Variants in ANXA4 observed in about 807,000 individuals in gnomAD.
ANXA4 encodes annexin A4.
A neutral mutation model predicts 49.8 loss-of-function variants in ANXA4; 39 were observed. The observed-to-expected ratio is 0.78, with a 90% CI of 0.61 to 1.02. ANXA4 has a LOEUF of 1.02. Ranked by LOEUF, ANXA4 falls within the 50% of genes least tolerant of loss-of-function variation. The pLI is 0.00. For missense variants in ANXA4, 360 were observed against 410.1 expected (o/e 0.88, Z 1.05); for synonymous variants, 134 against 152.5 (o/e 0.88, Z 0.89).
chr2:69,744,367 T>C (rs902313347), intron 1 of ANXA4, among the ~76,000 whole-genome samples: 7 of 152,202 alleles, frequency 4.6e-5, no homozygotes, highest in African/African-American at 1.7e-4. Flanking sequence ...GTGTCATTTT[T>C]ACACAAATAT....
At chr2:69,656,403 A>ATATATATGTG (rs1676492625) in intron 2 of ANXA4, among the ~76,000 whole-genome samples, 1 of 113,622 alleles carries the variant, frequency 8.8e-6, no homozygotes, top group African/African-American at 3.2e-5. Flanking sequence ...ATATATATGT[A>ATATATATGTG]TATATATGTA....
intron 1 of ANXA4, among the ~76,000 whole-genome samples, chr2:69,769,890 T>C (rs1671642420): frequency 6.6e-6 from 1 of 152,208 alleles, no homozygotes; most frequent in Admixed American, 6.5e-5. Flanking sequence ...CTCAAACTCC[T>C]GACCTCAGGT....
At chr2:69,694,547 C>T (rs1303739138) in intron 2 of ANXA4, among the ~76,000 whole-genome samples, 29 of 121,580 alleles carry the variant, frequency 2.4e-4, no homozygotes, top group Middle Eastern at 3.9e-3. Context: ...CAACAGTCCC[C>T]GGTGTGTGAT....
chr2:69,786,507 A>G (rs1017812474), intron 2 of ANXA4, among the ~76,000 whole-genome samples: 3 of 152,108 alleles, frequency 2.0e-5, no homozygotes, highest in African/African-American at 4.8e-5. Context: ...TTTCTACTGT[A>G]CTTAGAATAA....
intron 1 of ANXA4, among the ~76,000 whole-genome samples, chr2:69,770,955 G>A (rs565242268): frequency 6.6e-6 from 1 of 151,272 alleles, no homozygotes; most frequent in African/African-American, 2.4e-5. Context: ...TTAGCTGGGC[G>A]TGGTGGCACG....
At chr2:69,709,651 A>G (rs1678613813) in intron 2 of ANXA4, among the ~76,000 whole-genome samples, 1 of 152,188 alleles carries the variant, frequency 6.6e-6, no homozygotes, top group South Asian at 2.1e-4. Context: ...TCGCTAGGTA[A>G]CTCTTAACTC....
chr2:69,722,823 C>G (rs1192260530), intron 3 of ANXA4, among the ~76,000 whole-genome samples: 1 of 151,312 alleles, frequency 6.6e-6, no homozygotes, highest in African/African-American at 2.4e-5. Context: ...ATAAATGGGT[C>G]AGAGTTCAAC....
At chr2:69,733,318 A>G (rs1670153904) in intron 3 of ANXA4, among the ~76,000 whole-genome samples, 1 of 152,162 alleles carries the variant, frequency 6.6e-6, no homozygotes, top group Admixed American at 6.5e-5. Flanking sequence ...AAAATCTGCA[A>G]TTTGGCTGGG....
chr2:69,706,292 CTTTTTTTTTT>C (rs916740716), intron 2 of ANXA4, among the ~76,000 whole-genome samples: 4 of 59,314 alleles, frequency 6.7e-5, no homozygotes, highest in South Asian at 5.6e-4. Context: ...GGTACAATTC[CTTTTTTTTTT>C]TTTTTTTTTT....
intron 2 of ANXA4, among the ~76,000 whole-genome samples, chr2:69,714,572 A>T (rs1678811330): frequency 6.6e-6 from 1 of 152,132 alleles, no homozygotes; most frequent in Non-Finnish European, 1.5e-5. Flanking sequence ...ATTTCCTGGG[A>T]TCCTGGCCGA....
At chr2:69,770,472 A>AG (rs1419634018) in intron 1 of ANXA4, among the ~76,000 whole-genome samples, 1 of 152,232 alleles carries the variant, frequency 6.6e-6, no homozygotes, top group African/African-American at 2.4e-5. Flanking sequence ...AGCGAAGGGA[A>AG]GGATTCAGTA....
chr2:69,743,111 T>G (rs77687645), intron 1 of ANXA4, among the ~76,000 whole-genome samples: 1,789 of 152,282 alleles, frequency 0.012, 38 homozygotes, highest in African/African-American at 0.041. Flanking sequence ...GCTCAGGTGT[T>G]TCACCCACCT....
At chr2:69,744,345 G>C (rs1670528276) in intron 1 of ANXA4, among the ~76,000 whole-genome samples, 1 of 151,900 alleles carries the variant, frequency 6.6e-6, no homozygotes, top group African/African-American at 2.4e-5. Flanking sequence ...AAGAGGAGGA[G>C]ATTTTCTTTG....
chr2:69,675,144 G>A (rs1024526088), intron 2 of ANXA4, among the ~76,000 whole-genome samples: 2 of 152,168 alleles, frequency 1.3e-5, no homozygotes, highest in African/African-American at 4.8e-5. Context: ...GGATGGTCTC[G>A]ATCTCCTGTC....
At chr2:69,717,491 C>G (rs1669676444) in intron 2 of ANXA4, among the ~76,000 whole-genome samples, 1 of 152,190 alleles carries the variant, frequency 6.6e-6, no homozygotes, top group East Asian at 1.9e-4. Context: ...AGGCCTCCCT[C>G]TCCAGGGTAT....
chr2:69,781,438 A>G (rs1672194294), intron 1 of ANXA4, 82 bp from the exon 2 acceptor site: 2 of 1,187,526 alleles, frequency 1.7e-6, no homozygotes, highest in South Asian at 2.6e-5. Flanking sequence ...GCTTAGCTTC[A>G]TGCAAACTGC....
In ANXA4 at chr2:69,826,617, T is replaced by G. The variant is rs1219325294; in HGVS notation, c.*1102T>G. 6.6e-6 allele frequency: 1 copy of G among 152,118 alleles called. No individual in the cohort carries two copies. The highest frequency in any genetic ancestry group is 2.4e-5 in the African/African-American group (1 of 41,404). 9.4% of individuals were successfully genotyped at this position (152,118 alleles called of 1,614,324 possible). Reference sequence around the variant, plus strand: ...CTGGCCAACATGGAGAAACTGCATCTCTACTAAAAATATAAAAATTAGCCG... The same window carrying G: ...CTGGCCAACATGGAGAAACTGCATCGCTACTAAAAATATAAAAATTAGCCG... On this transcript the variant is annotated 3_prime_UTR_variant, in exon 13 of 13. Coordinates refer to ENST00000394295, the MANE Select transcript of ANXA4 (RefSeq NM_001153.5).
chr2:69,661,221 C>CAAA (rs201916139), intron 2 of ANXA4, among the ~76,000 whole-genome samples: 2 of 67,812 alleles, frequency 2.9e-5, no homozygotes, highest in Non-Finnish European at 6.8e-5. Flanking sequence ...AAGCTTCAGA[C>CAAA]AAAAAAAAAA....
chr2:69,649,437 A>C (rs926759410), intron 1 of ANXA4, among the ~76,000 whole-genome samples: 2 of 151,012 alleles, frequency 1.3e-5, no homozygotes, highest in South Asian at 4.2e-4. Context: ...TATTTTTTTC[A>C]TTCCATAGTT....
Sources: gnomAD v4.1 joint callset for allele counts (sites outside exome capture counted in the v4.1 genomes callset) on GRCh38, gnomAD v4.1.1 for gene constraint, MANE v1.5 for transcripts, NCBI Gene and HGNC (gene_info 2026-07-23, HGNC 2026-07-21) for gene names.